Variants in DPYS observed in about 807,000 individuals in gnomAD.
DPYS encodes the protein dihydropyrimidine amidohydrolase.
DPYS carries 39 observed loss-of-function variants against 50.3 expected under a neutral mutation model. That is an observed-to-expected ratio of 0.78 (90% confidence interval 0.60 to 1.01). The LOEUF is 1.01. Ranked by LOEUF, DPYS falls within the 50% of genes least tolerant of loss-of-function variation. The probability of loss-of-function intolerance (pLI) is 0.00; values close to 1 mark genes in which losing one functional copy is unlikely to be tolerated. For missense variants in DPYS, 659 were observed against 680.9 expected (o/e 0.97, Z 0.36); for synonymous variants, 245 against 250.7 (o/e 0.98, Z 0.22).
At chr8:104,428,376 A>T (rs2246821) in intron 5 of DPYS, among the ~76,000 whole-genome samples, 1 of 152,234 alleles carries the variant, frequency 6.6e-6, no homozygotes, top group Non-Finnish European at 1.5e-5. Context: ...GCTCAGCTCC[A>T]TCACTTAACT....
chr8:104,450,392 G>T (rs1203162805), intron 2 of DPYS, among the ~76,000 whole-genome samples: 1 of 152,156 alleles, frequency 6.6e-6, no homozygotes, highest in African/African-American at 2.4e-5. Context: ...GTTTGTGGGG[G>T]ATGTGAGATT....
At chr8:104,415,067 T>C (rs1812319889) in intron 7 of DPYS, among the ~76,000 whole-genome samples, 2 of 152,202 alleles carry the variant, frequency 1.3e-5, no homozygotes, top group African/African-American at 2.4e-5. Flanking sequence ...CAGACAAAAA[T>C]GTTAAATCAC....
intron 2 of DPYS, among the ~76,000 whole-genome samples, 177 bp from the exon 3 acceptor site, chr8:104,447,680 C>T (rs1813586990): frequency 6.6e-6 from 1 of 152,172 alleles, no homozygotes; most frequent in South Asian, 2.1e-4. Flanking sequence ...GGTTATACCC[C>T]ATTTCATCTG....
chr8:104,430,124 C>T (rs1422477377), intron 4 of DPYS, among the ~76,000 whole-genome samples: 1 of 151,940 alleles, frequency 6.6e-6, no homozygotes, highest in East Asian at 1.9e-4. Context: ...AGAATTTGAA[C>T]CCAGAATTTG....
chr8:104,383,980 T>A (rs1231397816), intron 8 of DPYS, among the ~76,000 whole-genome samples: 1 of 152,158 alleles, frequency 6.6e-6, no homozygotes, highest in Non-Finnish European at 1.5e-5. Context: ...CATGTCTGGC[T>A]TGTCACCCTG....
At chr8:104,425,109 C>T (rs940007833) in intron 6 of DPYS, among the ~76,000 whole-genome samples, 6 of 151,966 alleles carry the variant, frequency 3.9e-5, no homozygotes, top group Admixed American at 6.6e-5. Flanking sequence ...GGATTACAGG[C>T]GTGAGCCACT....
intron 8 of DPYS, among the ~76,000 whole-genome samples, chr8:104,389,098 G>A (rs1053288874): frequency 6.6e-6 from 1 of 152,234 alleles, no homozygotes; most frequent in Non-Finnish European, 1.5e-5. Flanking sequence ...CTAGCCAGGA[G>A]ACCAGCTGAG....
intron 8 of DPYS, among the ~76,000 whole-genome samples, chr8:104,385,470 AT>A (rs546225727): frequency 4.3e-4 from 65 of 152,242 alleles, no homozygotes; most frequent in African/African-American, 1.4e-3. Context: ...TGATTATGGT[AT>A]TTTTTCCCCC....
At chr8:104,463,723 TG>T (rs559700872) in intron 1 of DPYS, among the ~76,000 whole-genome samples, 54 of 152,322 alleles carry the variant, frequency 3.5e-4, no homozygotes, top group African/African-American at 1.2e-3. Context: ...AATAGGAAGA[TG>T]TTTTTCAAGT....
intron 7 of DPYS, among the ~76,000 whole-genome samples, chr8:104,408,962 G>A (rs568209070): frequency 3.3e-5 from 5 of 151,492 alleles, no homozygotes; most frequent in South Asian, 2.1e-4. Context: ...TACAGGCGCC[G>A]GCCACCACTC....
chr8:104,392,245 G>T (rs1811411516), intron 8 of DPYS, among the ~76,000 whole-genome samples: 1 of 152,198 alleles, frequency 6.6e-6, no homozygotes, highest in African/African-American at 2.4e-5. Context: ...GCCAATGACT[G>T]GGCCTGGCCT....
intron 4 of DPYS, among the ~76,000 whole-genome samples, chr8:104,430,805 TA>T (rs898877024): frequency 7.9e-5 from 12 of 152,276 alleles, no homozygotes; most frequent in African/African-American, 2.9e-4. Context: ...CAAGTATCAA[TA>T]AAAGTTATCC....
At chr8:104,460,596 A>T (rs1343241585) in intron 1 of DPYS, among the ~76,000 whole-genome samples, 1 of 152,190 alleles carries the variant, frequency 6.6e-6, no homozygotes, top group East Asian at 1.9e-4. Flanking sequence ...CAGGCCAGAC[A>T]TGTGAGAGAG....
intron 8 of DPYS, among the ~76,000 whole-genome samples, chr8:104,389,640 G>C (rs1281279344): frequency 6.6e-6 from 1 of 151,780 alleles, no homozygotes; most frequent in Non-Finnish European, 1.5e-5. Flanking sequence ...GCTTAACCTA[G>C]GGAAAGTTAC....
chr8:104,389,103 G>T (rs1234790665), intron 8 of DPYS, among the ~76,000 whole-genome samples: 1 of 152,226 alleles, frequency 6.6e-6, no homozygotes, highest in East Asian at 1.9e-4. Flanking sequence ...CAGGAGACCA[G>T]CTGAGTTCAG....
chr8:104,460,040 G>T (rs150008151), intron 1 of DPYS, among the ~76,000 whole-genome samples: 1 of 152,130 alleles, frequency 6.6e-6, no homozygotes, highest in African/African-American at 2.4e-5. Flanking sequence ...ATATGTATGT[G>T]AATTTTTTTA....
intron 6 of DPYS, among the ~76,000 whole-genome samples, chr8:104,425,084 C>A (rs1454556264): frequency 6.6e-6 from 1 of 152,028 alleles, no homozygotes; most frequent in Non-Finnish European, 1.5e-5. Context: ...CCCTCCTTGG[C>A]CTCCCAAAGT....
chr8:104,444,540 T>C (rs898980158), intron 3 of DPYS, 103 bp from the exon 4 acceptor site: 1 of 1,303,888 alleles, frequency 7.7e-7, no homozygotes, highest in Non-Finnish European at 1.1e-6. Flanking sequence ...TTTTGATCTG[T>C]TAGGTATAGG....
intron 3 of DPYS, among the ~76,000 whole-genome samples, chr8:104,444,929 A>G (rs1813478579): frequency 6.6e-6 from 1 of 152,186 alleles, no homozygotes; most frequent in Admixed American, 6.5e-5. Context: ...AAAAGTTAAT[A>G]ATCTGATTTA....
Sources: gnomAD v4.1 joint callset for allele counts (sites outside exome capture counted in the v4.1 genomes callset) on GRCh38, gnomAD v4.1.1 for gene constraint, MANE v1.5 for transcripts, NCBI Gene and HGNC (gene_info 2026-07-23, HGNC 2026-07-21) for gene names.